Variants in NTM observed in about 807,000 individuals in gnomAD.
NTM encodes the protein neurotrimin, also known as IgLON family member 2.
A neutral mutation model predicts 42.1 loss-of-function variants in NTM; 13 were observed. That is an observed-to-expected ratio of 0.31 (90% CI 0.20 to 0.49). NTM has a LOEUF of 0.49. Among genes scored for constraint, NTM ranks in the 20% least tolerant of loss-of-function variants. The probability of loss-of-function intolerance (pLI) is 0.99; values close to 1 mark genes in which losing one functional copy is unlikely to be tolerated. For synonymous variants in NTM, 187 were observed against 179.2 expected (o/e 1.04, Z -0.35); for missense variants, 373 against 452.8 (o/e 0.82, Z 1.60).
At chr11:131,554,545 CAAAA>C (rs1178033877) in intron 1 of NTM, among the ~76,000 whole-genome samples, 1 of 106,948 alleles carries the variant, frequency 9.4e-6, no homozygotes, top group Non-Finnish European at 2.2e-5. Flanking sequence ...CACACATCTA[CAAAA>C]AAAAAAAAAA....
intron 2 of NTM, among the ~76,000 whole-genome samples, chr11:131,919,517 C>T (rs775626127): frequency 5.3e-5 from 8 of 152,016 alleles, no homozygotes; most frequent in Non-Finnish European, 7.4e-5. Context: ...CTTACTGACT[C>T]GTAGGTACCA....
At chr11:132,318,905 A>G (rs2095496750) in intron 7 of NTM, among the ~76,000 whole-genome samples, 1 of 151,604 alleles carries the variant, frequency 6.6e-6, no homozygotes, top group African/African-American at 2.4e-5. Flanking sequence ...ATGACAGATG[A>G]AAAAAAGTAC....
intron 2 of NTM, among the ~76,000 whole-genome samples, chr11:131,946,904 A>G (rs2060406962): frequency 1.3e-5 from 2 of 152,208 alleles, no homozygotes; most frequent in Non-Finnish European, 2.9e-5. Context: ...GAGTATCTTC[A>G]TGTATACAGG....
At chr11:132,221,097 A>G (rs1034086634) in intron 4 of NTM, among the ~76,000 whole-genome samples, 1 of 152,142 alleles carries the variant, frequency 6.6e-6, no homozygotes, top group African/African-American at 2.4e-5. Context: ...TCGGATGAAA[A>G]CGTCCATATC....
intron 1 of NTM, among the ~76,000 whole-genome samples, chr11:131,376,369 C>T (rs1017925036): frequency 6.6e-6 from 1 of 152,108 alleles, no homozygotes; most frequent in Non-Finnish European, 1.5e-5. Context: ...TCTACTTGCC[C>T]CTCCTTTCTC....
intron 4 of NTM, among the ~76,000 whole-genome samples, chr11:132,235,778 G>A (rs2088705721): frequency 6.6e-6 from 1 of 152,040 alleles, no homozygotes; most frequent in African/African-American, 2.4e-5. Context: ...TGAACCCCCT[G>A]GGAAAATTTT....
At chr11:132,005,418 C>A (rs2070543759) in intron 2 of NTM, among the ~76,000 whole-genome samples, 1 of 152,098 alleles carries the variant, frequency 6.6e-6, no homozygotes, top group African/African-American at 2.4e-5. Flanking sequence ...GCTCTGTTTT[C>A]TCTTTGTCAT....
chr11:132,160,633 C>A (rs527776908), intron 3 of NTM, among the ~76,000 whole-genome samples: 2 of 152,310 alleles, frequency 1.3e-5, no homozygotes, highest in South Asian at 2.1e-4. Flanking sequence ...GTCAGTAACT[C>A]CTTTTAACAT....
intron 4 of NTM, among the ~76,000 whole-genome samples, chr11:132,293,349 C>T (rs544116463): frequency 6.6e-6 from 1 of 152,262 alleles, no homozygotes; most frequent in South Asian, 2.1e-4. Flanking sequence ...ATTGGGTAGC[C>T]CCCACTTGAC....
intron 1 of NTM, among the ~76,000 whole-genome samples, chr11:131,677,028 G>A (rs2134729624): frequency 6.6e-6 from 1 of 152,342 alleles, no homozygotes; most frequent in Admixed American, 6.5e-5. Flanking sequence ...GATTGGTAGT[G>A]TTGGGCACTT....
intron 1 of NTM, among the ~76,000 whole-genome samples, chr11:131,422,465 T>C (rs1947637917): frequency 6.6e-6 from 1 of 152,240 alleles, no homozygotes; most frequent in African/African-American, 2.4e-5. Context: ...CCATTAGTTT[T>C]TGATCAGGCG....
chr11:132,157,249 C>T (rs989304712), intron 3 of NTM, among the ~76,000 whole-genome samples: 2 of 152,166 alleles, frequency 1.3e-5, no homozygotes, highest in African/African-American at 4.8e-5. Flanking sequence ...ATAGGAAAAA[C>T]AAAAATTGAT....
At chr11:131,448,163 G>A (rs891427983) in intron 1 of NTM, among the ~76,000 whole-genome samples, 14 of 152,206 alleles carry the variant, frequency 9.2e-5, no homozygotes, top group Admixed American at 6.5e-4. Context: ...TGGGCTACAC[G>A]AGGAAGGAGC....
chr11:131,936,908 G>A (rs2059282219), intron 2 of NTM, among the ~76,000 whole-genome samples: 1 of 152,260 alleles, frequency 6.6e-6, no homozygotes, highest in Non-Finnish European at 1.5e-5. Context: ...ATTCTGTGAC[G>A]GGTGATGTAA....
chr11:131,505,743 A>G (rs1026996892), intron 1 of NTM, among the ~76,000 whole-genome samples: 1 of 152,178 alleles, frequency 6.6e-6, no homozygotes, highest in Admixed American at 6.5e-5. Context: ...GGAGCCCATG[A>G]TCCGAAATGC....
intron 1 of NTM, among the ~76,000 whole-genome samples, chr11:131,706,779 A>T (rs2076634100): frequency 6.6e-6 from 1 of 152,044 alleles, no homozygotes; most frequent in Non-Finnish European, 1.5e-5. Flanking sequence ...TTAAAATCTT[A>T]AAACAAACAA....
At chr11:131,435,917 C>T (rs745383027) in intron 1 of NTM, among the ~76,000 whole-genome samples, 5 of 152,010 alleles carry the variant, frequency 3.3e-5, no homozygotes, top group Non-Finnish European at 7.4e-5. Context: ...GATATTGGCT[C>T]TAGGTTTGTC....
Position 131,513,270 on chromosome 11 carries a change from G to A in NTM, c.82+142382G>A, listed in dbSNP as rs542156546. Reference sequence around the variant, plus strand: ...TATAAACTATCATTGCTGTTGCCAGGAAGCCTCCCTTCACCCACAGTTTGG... The same window carrying A: ...TATAAACTATCATTGCTGTTGCCAGAAAGCCTCCCTTCACCCACAGTTTGG... On this transcript the variant is annotated intron_variant, in intron 1 of 8. Coordinates refer to ENST00000683400, the MANE Select transcript of NTM (RefSeq NM_001352005.2). Among the ~76,000 whole-genome samples the A allele has an allele frequency of 1.5e-4, 23 of 152,262 alleles. 1 individual carries two copies. Among genetic ancestry groups the A allele is most frequent in the Admixed American group, 1.3e-3 (20 of 15,294 alleles).
chr11:131,377,633 G>A (rs1942141871), intron 1 of NTM, among the ~76,000 whole-genome samples: 1 of 152,144 alleles, frequency 6.6e-6, no homozygotes, highest in African/African-American at 2.4e-5. Context: ...ATTAACAAAA[G>A]GAATTTCTTT....
Sources: gnomAD v4.1 joint callset for allele counts (sites outside exome capture counted in the v4.1 genomes callset) on GRCh38, gnomAD v4.1.1 for gene constraint, MANE v1.5 for transcripts, NCBI Gene and HGNC (gene_info 2026-07-23, HGNC 2026-07-21) for gene names.